CDH13: variants seen among roughly 807,000 people sequenced by gnomAD.
CDH13 encodes cadherin-13.
In CDH13, 24 loss-of-function variants were observed where a neutral mutation model predicts 63.8. That is an observed-to-expected ratio of 0.38 (90% CI 0.27 to 0.53). The LOEUF (loss-of-function observed/expected upper bound fraction) is 0.53, where lower values mean the gene tolerates loss of function less well. CDH13 is among the 20% of genes least tolerant of loss of function. CDH13 has a pLI of 0.85. For synonymous variants in CDH13, 503 were observed against 355.3 expected (o/e 1.42, Z -4.67); for missense variants, 1,049 against 903.1 (o/e 1.16, Z -2.07).
At chr16:83,590,602 T>TA (rs929266727) in intron 7 of CDH13, among the ~76,000 whole-genome samples, 10 of 151,362 alleles carry the variant, frequency 6.6e-5, no homozygotes, top group East Asian at 3.9e-4. Context: ...GAAATGGACG[T>TA]AAAAAAAAAG....
intron 1 of CDH13, among the ~76,000 whole-genome samples, chr16:82,706,089 C>T (rs2031467821): frequency 6.6e-6 from 1 of 151,958 alleles, no homozygotes; most frequent in African/African-American, 2.4e-5. Flanking sequence ...CTTTCTTCTT[C>T]ATCTTCCTGT....
chr16:83,708,549 C>G (rs1382150675), intron 10 of CDH13, among the ~76,000 whole-genome samples: 1 of 152,212 alleles, frequency 6.6e-6, no homozygotes, highest in African/African-American at 2.4e-5. Context: ...TTTGTGGCCT[C>G]TCTTCCTGCT....
chr16:82,753,204 G>A (rs762509608), intron 1 of CDH13, among the ~76,000 whole-genome samples: 18 of 152,212 alleles, frequency 1.2e-4, no homozygotes, highest in African/African-American at 2.2e-4. Context: ...GAGACAGGTC[G>A]TGGTACAGAA....
chr16:83,540,121 G>C (rs912193006), intron 7 of CDH13, among the ~76,000 whole-genome samples: 1 of 147,740 alleles, frequency 6.8e-6, no homozygotes, highest in African/African-American at 2.5e-5. Flanking sequence ...CTGGAGTTCA[G>C]TGGATCCATC....
chr16:82,734,394 G>A (rs111248320), intron 1 of CDH13, among the ~76,000 whole-genome samples: 2,088 of 152,304 alleles, frequency 0.014, 18 homozygotes, highest in Non-Finnish European at 0.022. Context: ...GCAGCACATA[G>A]GAGTCTCAGG....
At chr16:83,601,664 C>A (rs1049730796) in intron 7 of CDH13, among the ~76,000 whole-genome samples, 1 of 152,158 alleles carries the variant, frequency 6.6e-6, no homozygotes, top group Non-Finnish European at 1.5e-5. Flanking sequence ...AATGCAATGC[C>A]TGCCTCATCA....
intron 1 of CDH13, among the ~76,000 whole-genome samples, chr16:82,629,317 T>A (rs1325915140): frequency 6.6e-6 from 1 of 152,242 alleles, no homozygotes; most frequent in African/African-American, 2.4e-5. Context: ...GAGAGGCTTA[T>A]TTCTATTTTC....
At chr16:82,686,973 T>C (rs1915138779) in intron 1 of CDH13, among the ~76,000 whole-genome samples, 1 of 152,210 alleles carries the variant, frequency 6.6e-6, no homozygotes, top group African/African-American at 2.4e-5. Context: ...ATTTGTAAGC[T>C]CTTGCTTCGT....
chr16:82,858,778 T>C, intron 2 of CDH13: 1 of 456,472 alleles, frequency 2.2e-6, no homozygotes, highest in Non-Finnish European at 3.9e-6. Flanking sequence ...ATGAAATTCA[T>C]TTCCCCTGGG....
chr16:82,740,966 C>A (rs1196356074), intron 1 of CDH13, among the ~76,000 whole-genome samples: 1 of 152,106 alleles, frequency 6.6e-6, no homozygotes, highest in Non-Finnish European at 1.5e-5. Flanking sequence ...CTTCTCATGC[C>A]TATATTTTTA....
At chr16:83,671,522 T>C (rs1206948843) in intron 9 of CDH13, among the ~76,000 whole-genome samples, 1 of 152,222 alleles carries the variant, frequency 6.6e-6, no homozygotes, top group Non-Finnish European at 1.5e-5. Context: ...ATGCTGGAGT[T>C]ACAAGTGTGA....
At chr16:83,066,418 C>T (rs1002214089) in intron 3 of CDH13, among the ~76,000 whole-genome samples, 3 of 152,154 alleles carry the variant, frequency 2.0e-5, no homozygotes, top group South Asian at 2.1e-4. Context: ...CAAAAGGCAA[C>T]GAGTTGGTTG....
chr16:83,505,675 C>A (rs1355223726), intron 7 of CDH13, among the ~76,000 whole-genome samples: 3 of 151,418 alleles, frequency 2.0e-5, no homozygotes, highest in Non-Finnish European at 4.4e-5. Context: ...TCCGGAGTAG[C>A]TGGGATTACA....
Position 83,799,976 on chromosome 16 carries a change from C to G in CDH13, c.*4946C>G, listed in dbSNP as rs945380107. 2.0e-5 allele frequency: 3 copies of G among 152,126 alleles called. No homozygotes were observed. The highest frequency in any genetic ancestry group is 4.4e-5 in the Non-Finnish European group (3 of 68,036). The allele number at this position is 152,126 out of a possible 1,614,324, so 9.4% of individuals were successfully genotyped here. A position where few individuals can be genotyped will look rare whatever the true frequency, so the allele number is the denominator to read the frequency against. On this transcript the variant is annotated 3_prime_UTR_variant, in exon 14 of 14. Transcript: ENST00000567109. ...AAGAAGAGTCAGTCTATAATTTAAG[C>G]AGAAATAATTGAGATACTCATCAAA... is the stretch of plus-strand genomic sequence containing the variant.
intron 2 of CDH13, among the ~76,000 whole-genome samples, chr16:82,999,228 G>C (rs1912592918): frequency 6.6e-6 from 1 of 151,976 alleles, no homozygotes. Context: ...ACTCCTTAAT[G>C]TTACTAGCAT....
intron 10 of CDH13, among the ~76,000 whole-genome samples, chr16:83,691,630 G>A (rs183664393): frequency 8.5e-5 from 13 of 152,172 alleles, no homozygotes; most frequent in African/African-American, 1.9e-4. Flanking sequence ...GCACAGTTCC[G>A]TACAACGGTG....
At chr16:83,782,860 G>A (rs1260941547) in intron 12 of CDH13, among the ~76,000 whole-genome samples, 3 of 152,182 alleles carry the variant, frequency 2.0e-5, no homozygotes, top group Admixed American at 1.3e-4. Context: ...TCTAGATGTG[G>A]AACGCAGTCT....
intron 4 of CDH13, among the ~76,000 whole-genome samples, chr16:83,145,782 G>C (rs1164893239): frequency 2.0e-5 from 3 of 152,158 alleles, no homozygotes; most frequent in Non-Finnish European, 4.4e-5. Flanking sequence ...GACCAGCCTG[G>C]GTTCTGCCCT....
chr16:83,605,947 G>C (rs989570406), intron 8 of CDH13, among the ~76,000 whole-genome samples: 4 of 152,256 alleles, frequency 2.6e-5, no homozygotes, highest in Admixed American at 1.3e-4. Flanking sequence ...ATCAGGCCTC[G>C]GGACAAAAGC....
Sources: gnomAD v4.1 joint callset for allele counts (sites outside exome capture counted in the v4.1 genomes callset) on GRCh38, gnomAD v4.1.1 for gene constraint, MANE v1.5 for transcripts, NCBI Gene and HGNC (gene_info 2026-07-23, HGNC 2026-07-21) for gene names.